ALPL: variants seen among roughly 807,000 people sequenced by gnomAD.
ALPL encodes alkaline phosphatase, tissue-nonspecific isozyme.
In ALPL, 42 loss-of-function variants were observed where a neutral mutation model predicts 51.3. The observed-to-expected ratio is 0.82, with a 90% CI of 0.64 to 1.06. The LOEUF (loss-of-function observed/expected upper bound fraction) is 1.06. ALPL is among the 50% of genes least tolerant of loss of function. The pLI is 0.00. For missense variants in ALPL, 589 were observed against 709.4 expected, an observed-to-expected ratio of 0.83 and a Z score of 1.93; for synonymous variants, 279 against 296.4, an observed-to-expected ratio of 0.94 and a Z score of 0.60.
intron 1 of ALPL, among the ~76,000 whole-genome samples, chr1:21,548,338 C>T (rs1423454423): frequency 2.0e-5 from 3 of 152,252 alleles, no homozygotes; most frequent in African/African-American, 7.2e-5. Context: ...CCCACCCTCT[C>T]CTTGTCCTGA....
At chr1:21,526,404 T>G (rs1643944408) in intron 1 of ALPL, among the ~76,000 whole-genome samples, 1 of 152,194 alleles carries the variant, frequency 6.6e-6, no homozygotes, top group Non-Finnish European at 1.5e-5. Flanking sequence ...CCTCCCAAAG[T>G]GCTGGGATTA....
chr1:21,573,444 A>AAAAAG (rs1223258070), intron 8 of ALPL, among the ~76,000 whole-genome samples: 1 of 143,904 alleles, frequency 6.9e-6, no homozygotes, highest in Non-Finnish European at 1.5e-5. Context: ...CTCAAAAAAA[A>AAAAAG]AAAAGAAAAG....
intron 2 of ALPL, among the ~76,000 whole-genome samples, chr1:21,558,744 G>A (rs1489194806): frequency 1.3e-5 from 2 of 152,188 alleles, no homozygotes; most frequent in African/African-American, 2.4e-5. Flanking sequence ...TGGTGGTGAC[G>A]TAAGGGGAGG....
intron 1 of ALPL, among the ~76,000 whole-genome samples, chr1:21,524,937 G>T (rs1643922744): frequency 6.6e-6 from 1 of 152,234 alleles, no homozygotes; most frequent in African/African-American, 2.4e-5. Flanking sequence ...TAGCCTGGCT[G>T]AGGCCTCTGC....
chr1:21,540,928 T>C (rs1483922892), intron 1 of ALPL, among the ~76,000 whole-genome samples: 1 of 152,210 alleles, frequency 6.6e-6, no homozygotes, highest in Non-Finnish European at 1.5e-5. Flanking sequence ...GAGAGAGATC[T>C]GGTTCTCTTT....
chr1:21,551,635 T>C, intron 1 of ALPL, among the ~76,000 whole-genome samples: 1 of 151,606 alleles, frequency 6.6e-6, no homozygotes, highest in African/African-American at 2.4e-5. Flanking sequence ...TGTGGGATAT[T>C]GCCTTTTAAT....
chr1:21,543,543 C>T (rs1478929813), intron 1 of ALPL, among the ~76,000 whole-genome samples: 2 of 152,100 alleles, frequency 1.3e-5, no homozygotes, highest in Non-Finnish European at 2.9e-5. Flanking sequence ...GCCGAGATCA[C>T]GCCATTGCAC....
intron 1 of ALPL, among the ~76,000 whole-genome samples, chr1:21,526,271 C>G (rs976647555): frequency 1.3e-5 from 2 of 152,012 alleles, no homozygotes; most frequent in Non-Finnish European, 2.9e-5. Context: ...TCTGGAGTAG[C>G]TGGGACTACA....
At chr1:21,537,722 G>C (rs376897306) in intron 1 of ALPL, among the ~76,000 whole-genome samples, 1 of 152,200 alleles carries the variant, frequency 6.6e-6, no homozygotes, top group Non-Finnish European at 1.5e-5. Context: ...ACGTACACTG[G>C]ACATGGAGCT....
chr1:21,563,597 G>T (rs942409057), intron 5 of ALPL, among the ~76,000 whole-genome samples: 2 of 152,178 alleles, frequency 1.3e-5, no homozygotes, highest in Admixed American at 1.3e-4. Context: ...CCCAGGGCTA[G>T]CCTGTGGGGT....
intron 1 of ALPL, among the ~76,000 whole-genome samples, chr1:21,512,424 A>G (rs1221360233): frequency 6.6e-6 from 1 of 152,218 alleles, no homozygotes; most frequent in Non-Finnish European, 1.5e-5. Flanking sequence ...CTGAACCAGC[A>G]TTGATGTTAT....
intron 6 of ALPL, among the ~76,000 whole-genome samples, chr1:21,566,646 G>A (rs979781401): frequency 6.6e-6 from 1 of 151,964 alleles, no homozygotes; most frequent in Admixed American, 6.6e-5. Context: ...CTGGAGTGCA[G>A]TGGCGTGATC....
intron 1 of ALPL, among the ~76,000 whole-genome samples, chr1:21,510,389 G>A (rs1212753212): frequency 6.6e-6 from 1 of 152,172 alleles, no homozygotes; most frequent in Non-Finnish European, 1.5e-5. Context: ...GATCAAAAGA[G>A]GGGGCGATTC....
chr1:21,559,614 G>A (rs1558546654), intron 2 of ALPL, among the ~76,000 whole-genome samples: 1 of 152,184 alleles, frequency 6.6e-6, no homozygotes, highest in Non-Finnish European at 1.5e-5. Flanking sequence ...CCGCCTCCCG[G>A]GTTCAAGCAG....
chr1:21,540,442 C>T (rs1644167873), intron 1 of ALPL, among the ~76,000 whole-genome samples: 1 of 152,208 alleles, frequency 6.6e-6, no homozygotes, highest in Non-Finnish European at 1.5e-5. Context: ...TGAACCCAGA[C>T]CCTCAGGGTT....
chr1:21,530,353 AT>A (rs1308868878), intron 1 of ALPL, among the ~76,000 whole-genome samples: 1 of 152,160 alleles, frequency 6.6e-6, no homozygotes, highest in Non-Finnish European at 1.5e-5. Flanking sequence ...TTTTGAAGTC[AT>A]TGTGCTCCTT....
At chr1:21,549,709 C>T (rs960777733) in intron 1 of ALPL, among the ~76,000 whole-genome samples, 29 of 152,214 alleles carry the variant, frequency 1.9e-4, no homozygotes, top group South Asian at 4.2e-4. Flanking sequence ...GGGATCCACC[C>T]GCCTCAGCCT....
chr1:21,561,011 C>G, intron 3 of ALPL, 86 bp from the exon 4 acceptor site: 1 of 1,299,438 alleles, frequency 7.7e-7, no homozygotes, highest in Non-Finnish European at 1.1e-6. Flanking sequence ...TGCCTTGGTA[C>G]CGAACTAGAG....
chr1:21,560,759 G>C lies in ALPL; in HGVS notation c.181+14G>C. ...TCCTGGGAGATGGTGAGGCCCAGGG[G>C]CCTGTGGGAGGGGTGGAACAGGACA... On this transcript the variant is annotated intron_variant, in intron 3 of 11. Coordinates refer to ENST00000374840, the MANE Select transcript of ALPL (RefSeq NM_000478.6). 6.2e-7 allele frequency: 1 copy of C among 1,614,032 alleles called. No homozygotes were observed. Among genetic ancestry groups the C allele is most frequent in the Non-Finnish European group, 8.5e-7 (1 of 1,179,996 alleles).
Sources: gnomAD v4.1 joint callset for allele counts (sites outside exome capture counted in the v4.1 genomes callset) on GRCh38, gnomAD v4.1.1 for gene constraint, MANE v1.5 for transcripts, NCBI Gene and HGNC (gene_info 2026-07-23, HGNC 2026-07-21) for gene names.